Variants in DDX6 observed in about 807,000 individuals in gnomAD.
DDX6 encodes the protein probable ATP-dependent RNA helicase DDX6.
DDX6 carries 7 observed loss-of-function variants against 60.6 expected under a neutral mutation model. That is an observed-to-expected ratio of 0.12 (90% confidence interval 0.07 to 0.22). The LOEUF (loss-of-function observed/expected upper bound fraction) is 0.22, where lower values mean the gene tolerates loss of function less well. Among genes scored for constraint, DDX6 ranks in the 10% least tolerant of loss-of-function variants. The probability of loss-of-function intolerance (pLI) is 1.00; values close to 1 mark genes in which losing one functional copy is unlikely to be tolerated. For synonymous variants in DDX6, 207 were observed against 201.0 expected (o/e 1.03, Z -0.25); for missense variants, 270 against 589.9 (o/e 0.46, Z 5.62).
At chr11:118,786,563 A>C in intron 1 of DDX6, 45 bp from the exon 2 acceptor site, 1 of 239,498 alleles carries the variant, frequency 4.2e-6, no homozygotes, top group Non-Finnish European at 8.1e-6. Flanking sequence ...CAACAGAAAA[A>C]CTTTGTTTCC....
intron 2 of DDX6, among the ~76,000 whole-genome samples, chr11:118,782,382 C>G (rs1353279406): frequency 6.6e-6 from 1 of 151,014 alleles, no homozygotes. Context: ...AGGTAAAAAC[C>G]TCAAGTAATA....
intron 12 of DDX6, 128 bp downstream of exon 12, chr11:118,755,274 A>G: frequency 1.6e-6 from 1 of 617,596 alleles, no homozygotes; most frequent in South Asian, 2.0e-5. Context: ...TAAATACCAA[A>G]CAACTGAATT....
chr11:118,777,508 A>G (rs1397411033), intron 4 of DDX6, among the ~76,000 whole-genome samples: 2 of 152,082 alleles, frequency 1.3e-5, no homozygotes, highest in South Asian at 2.1e-4. Context: ...CCCTAATACT[A>G]CTCCACACTA....
At position 118,786,271 on chromosome 11, in the gene DDX6, T is replaced by A. The variant is rs1350555585; in HGVS notation, c.-20A>T. The A allele has an allele frequency of 1.9e-6, 3 of 1,576,878 alleles. No individual in the cohort carries two copies. In the East Asian group the frequency reaches 6.8e-5, roughly 36 times the overall value. ...GCTCATGCTGTTTTAATTGCAAAGG[T>A]CTTTCAAACTTCAAAACTTTTGAAA... On this transcript the variant is annotated 5_prime_UTR_variant, in exon 2 of 14. Coordinates refer to ENST00000534980, the MANE Select transcript of DDX6 (RefSeq NM_004397.6).
intron 5 of DDX6, among the ~76,000 whole-genome samples, chr11:118,766,592 T>C (rs1170542247): frequency 6.6e-6 from 1 of 152,136 alleles, no homozygotes; most frequent in Non-Finnish European, 1.5e-5. Context: ...AATATTAAAC[T>C]CTTCCTCTTC....
intron 5 of DDX6, 193 bp downstream of exon 5, chr11:118,768,030 G>C (rs1437922944): frequency 1.8e-6 from 1 of 556,364 alleles, no homozygotes; most frequent in Non-Finnish European, 3.1e-6. Flanking sequence ...CTTAAAACTA[G>C]AAATCTCTAA....
Position 118,779,754 on chromosome 11 carries a change from A to G in DDX6, c.265-18T>C. On this transcript the variant is annotated intron_variant, in intron 3 of 13. Transcript: ENST00000534980. ...GTCACATCCTAGTCAAACAAAAAGGAACAATAAAAGAATAAATAACACTGT... is the reference window on the plus strand; with the variant it reads ...GTCACATCCTAGTCAAACAAAAAGGGACAATAAAAGAATAAATAACACTGT... 1 of 1,541,382 alleles carries G rather than the reference A, an allele frequency of 6.5e-7. No homozygotes were observed. The highest frequency in any genetic ancestry group is 8.9e-7 in the Non-Finnish European group (1 of 1,127,094).
At chr11:118,757,424 G>A in intron 9 of DDX6, 137 bp from the exon 10 acceptor site, 2 of 486,378 alleles carry the variant, frequency 4.1e-6, no homozygotes, top group Non-Finnish European at 7.4e-6. Flanking sequence ...TGAGAGAGAT[G>A]GTAAATTGTA....
At chr11:118,761,875 A>AC (rs1555160275) in intron 7 of DDX6, among the ~76,000 whole-genome samples, 113 of 151,784 alleles carry the variant, frequency 7.4e-4, no homozygotes, top group Non-Finnish European at 1.4e-3. Context: ...AAAAAAAAAA[A>AC]AAACAAACCA....
intron 1 of DDX6, 102 bp downstream of exon 1, chr11:118,790,996 C>G (rs1452577414): frequency 6.7e-6 from 1 of 148,280 alleles, no homozygotes; most frequent in South Asian, 2.1e-4. Flanking sequence ...CCCCACCCAG[C>G]CCTCTCGCTA....
chr11:118,783,340 G>T (rs781685121), intron 2 of DDX6, among the ~76,000 whole-genome samples: 1 of 152,138 alleles, frequency 6.6e-6, no homozygotes, highest in Non-Finnish European at 1.5e-5. Context: ...GCAGTGGTGC[G>T]ATCATAGCTC....
intron 13 of DDX6, 92 bp downstream of exon 13, chr11:118,754,613 A>C: frequency 8.8e-7 from 1 of 1,139,708 alleles, no homozygotes; most frequent in East Asian, 2.4e-5. Flanking sequence ...TATTGCTATT[A>C]TATATGGTGT....
intron 7 of DDX6, among the ~76,000 whole-genome samples, chr11:118,762,707 A>G (rs1416776735): frequency 1.3e-5 from 2 of 152,238 alleles, no homozygotes; most frequent in African/African-American, 4.8e-5. Context: ...GAAAAACTGT[A>G]AAGTGAACCA....
At chr11:118,778,754 A>G (rs569219899) in intron 4 of DDX6, among the ~76,000 whole-genome samples, 1 of 152,174 alleles carries the variant, frequency 6.6e-6, no homozygotes, top group Non-Finnish European at 1.5e-5. Context: ...AATGGACACT[A>G]GGCACACCTT....
rs1415839351 is a variant in DDX6, at chr11:118,750,357, G to T, written c.*1748C>A. On this transcript the variant is annotated 3_prime_UTR_variant, in exon 14 of 14. Coordinates refer to ENST00000534980, the MANE Select transcript of DDX6 (RefSeq NM_004397.6). Reference sequence around the variant, plus strand: ...CATGTTGGGAGGGGCACAATTTAAAGCAACACTATTGACTGTAAAGCATCT... The same window carrying T: ...CATGTTGGGAGGGGCACAATTTAAATCAACACTATTGACTGTAAAGCATCT... 5.3e-5 allele frequency: 8 copies of T among 152,040 alleles called. No homozygotes were observed. Among genetic ancestry groups the T allele is most frequent in the African/African-American group, 1.9e-4 (8 of 41,388 alleles). The allele number at this position is 152,040 out of a possible 1,614,324, so 9.4% of individuals were successfully genotyped here.
At chr11:118,755,626 C>T (rs1860940044) in intron 11 of DDX6, 123 bp from the exon 12 acceptor site, 1 of 615,772 alleles carries the variant, frequency 1.6e-6, no homozygotes, top group African/African-American at 1.8e-5. Flanking sequence ...AATGCATTTG[C>T]ACATTACTGG....
intron 6 of DDX6, among the ~76,000 whole-genome samples, chr11:118,764,835 C>CACACACACACACACACACACAG (rs1276508733): frequency 2.0e-5 from 3 of 150,320 alleles, no homozygotes; most frequent in African/African-American, 7.4e-5. Context: ...CACACACACA[C>CACACACACACACACACACACAG]ACATTATATA....
chr11:118,774,754 C>T (rs1861644292), intron 4 of DDX6, among the ~76,000 whole-genome samples: 1 of 152,090 alleles, frequency 6.6e-6, no homozygotes, highest in Non-Finnish European at 1.5e-5. Flanking sequence ...CAAACTGCAA[C>T]TAAATTCCAT....
In DDX6 at chr11:118,786,354, AT is replaced by A; in HGVS notation, c.-104del. 9.8e-7 allele frequency: 1 copy of A among 1,022,146 alleles called. No homozygotes were observed. The allele number at this position is 1,022,146 out of a possible 1,614,324, so 63.3% of individuals were successfully genotyped here. On this transcript the variant is annotated 5_prime_UTR_variant, in exon 2 of 14. Transcript: ENST00000534980. ...GGCTCTCCAAAATGAAGAGATAAATATAAGTCTTGCTCAATAAATGAGTCCT... is the reference window on the plus strand; with the variant it reads ...GGCTCTCCAAAATGAAGAGATAAATAAAGTCTTGCTCAATAAATGAGTCCT...
Sources: allele counts gnomAD v4.1 joint callset (sites outside exome capture counted in the v4.1 genomes callset), GRCh38; gene constraint gnomAD v4.1.1; transcripts MANE v1.5; gene names NCBI Gene and HGNC (gene_info 2026-07-23, HGNC 2026-07-21).